NHSL1: variants seen among roughly 807,000 people sequenced by gnomAD.
NHSL1 encodes NHS like 1, also known as NHS-like protein 1.
Under a neutral mutation model 95.0 loss-of-function variants are expected in NHSL1, and 48 were observed. That is an observed-to-expected ratio of 0.51 (90% CI 0.40 to 0.64). The LOEUF (loss-of-function observed/expected upper bound fraction) is 0.64, where lower values mean the gene tolerates loss of function less well. NHSL1 is among the 30% of genes least tolerant of loss of function. NHSL1 has a pLI of 0.00. For missense variants in NHSL1, 1,971 were observed against 2,077.7 expected, an observed-to-expected ratio of 0.95 and a Z score of 1.00; for synonymous variants, 783 against 833.9, an observed-to-expected ratio of 0.94 and a Z score of 1.05.
intron 1 of NHSL1, among the ~76,000 whole-genome samples, chr6:138,498,145 A>G (rs1562328638): frequency 6.6e-6 from 1 of 152,234 alleles, no homozygotes; most frequent in Non-Finnish European, 1.5e-5. Context: ...AAGTGTAGCC[A>G]GAGTTCATCA....
chr6:138,591,123 CTA>C (rs903294979), intron 1 of NHSL1, among the ~76,000 whole-genome samples: 1 of 152,082 alleles, frequency 6.6e-6, no homozygotes, highest in African/African-American at 2.4e-5. Flanking sequence ...GCACTCAGAC[CTA>C]TCTTTTTGAA....
chr6:138,486,082 T>C (rs1479888573), intron 2 of NHSL1, among the ~76,000 whole-genome samples: 1 of 152,180 alleles, frequency 6.6e-6, no homozygotes, highest in East Asian at 1.9e-4. Flanking sequence ...CGCTTTGCCC[T>C]GAGTTGACTG....
chr6:138,676,486 C>G lies in NHSL1; in HGVS notation c.96+15990G>C, dbSNP rs561169456. Among the ~76,000 whole-genome samples the G allele has an allele frequency of 4.5e-3, 683 of 152,200 alleles. 6 individuals carry two copies. The highest frequency in any genetic ancestry group is 0.015 in the African/African-American group (617 of 41,530). ...TATTTATTGTTTATTATAGAACAGG[C>G]ACTGTTCTATATCTCATTTTATCCA... On this transcript the variant is annotated intron_variant, in intron 1 of 3. Coordinates refer to the NHSL1 transcript ENST00000491526.
intron 1 of NHSL1, among the ~76,000 whole-genome samples, chr6:138,551,945 G>A (rs1224270246): frequency 6.6e-6 from 1 of 152,180 alleles, no homozygotes; most frequent in Non-Finnish European, 1.5e-5. Context: ...TTTTCTTTTA[G>A]GAAACAGCTG....
intron 3 of NHSL1, among the ~76,000 whole-genome samples, chr6:138,462,651 T>C (rs1192827052): frequency 6.6e-6 from 1 of 152,182 alleles, no homozygotes; most frequent in Non-Finnish European, 1.5e-5. Context: ...AAATATTACT[T>C]GGGAGAGTGG....
chr6:138,473,125 A>G (rs1036805691), intron 3 of NHSL1, among the ~76,000 whole-genome samples, 181 bp downstream of exon 3: 4 of 152,230 alleles, frequency 2.6e-5, no homozygotes, highest in African/African-American at 7.2e-5. Flanking sequence ...CCCTTTACCC[A>G]GTTTCCATTT....
intron 1 of NHSL1, among the ~76,000 whole-genome samples, chr6:138,640,119 T>C (rs1385485532): frequency 6.6e-6 from 1 of 152,096 alleles, no homozygotes; most frequent in Non-Finnish European, 1.5e-5. Flanking sequence ...TATAGGTCAA[T>C]ATTGTCTAGA....
intron 1 of NHSL1, among the ~76,000 whole-genome samples, chr6:138,550,937 G>A (rs4131177): frequency 0.38 from 57,039 of 151,970 alleles, 11,349 homozygotes; most frequent in Middle Eastern, 0.51. Flanking sequence ...TTTCACCTCA[G>A]CTGCAAAGTA....
At chr6:138,668,503 A>G (rs1170993306) in intron 1 of NHSL1, among the ~76,000 whole-genome samples, 1 of 152,204 alleles carries the variant, frequency 6.6e-6, no homozygotes, top group African/African-American at 2.4e-5. Context: ...CACCATATAT[A>G]CATTATCAAA....
intron 1 of NHSL1, among the ~76,000 whole-genome samples, chr6:138,687,964 T>G (rs201728666): frequency 0.088 from 12,341 of 140,688 alleles, 1,137 homozygotes; most frequent in African/African-American, 0.27. Context: ...ACTTTTTTTT[T>G]TTGGGGACAC....
At chr6:138,680,180 G>A (rs1409243277) in intron 1 of NHSL1, among the ~76,000 whole-genome samples, 3 of 152,146 alleles carry the variant, frequency 2.0e-5, no homozygotes, top group African/African-American at 7.2e-5. Flanking sequence ...CTATACTTAT[G>A]AATAATGCTC....
upstream of NHSL1, among the ~76,000 whole-genome samples, chr6:138,546,427 CAAAAAAAAAA>C (rs1177720465): frequency 2.0e-5 from 1 of 50,918 alleles, no homozygotes; most frequent in African/African-American, 6.3e-5. Flanking sequence ...CCCATCTCTA[CAAAAAAAAAA>C]AAAAAAAAAA....
At chr6:138,450,888 G>A (rs1777189327) in intron 3 of NHSL1, among the ~76,000 whole-genome samples, 1 of 152,032 alleles carries the variant, frequency 6.6e-6, no homozygotes, top group Admixed American at 6.6e-5. Context: ...CATTTCAGTG[G>A]CAGAACACAT....
chr6:138,528,098 T>C (rs1181815955), intron 1 of NHSL1, among the ~76,000 whole-genome samples: 1 of 152,042 alleles, frequency 6.6e-6, no homozygotes, highest in Non-Finnish European at 1.5e-5. Flanking sequence ...AAACTCAGGG[T>C]GATTGTGGAG....
At chr6:138,511,309 G>C (rs1458965060) in intron 1 of NHSL1, among the ~76,000 whole-genome samples, 2 of 152,040 alleles carry the variant, frequency 1.3e-5, no homozygotes, top group African/African-American at 4.8e-5. Context: ...GTAAAGGCAG[G>C]TATGGAGATT....
intron 3 of NHSL1, among the ~76,000 whole-genome samples, chr6:138,469,107 C>G (rs950839505): frequency 1.3e-5 from 2 of 152,198 alleles, no homozygotes; most frequent in Middle Eastern, 6.8e-3. Context: ...TGGATGCATC[C>G]GTGCATCACA....
intron 1 of NHSL1, among the ~76,000 whole-genome samples, chr6:138,600,287 G>A (rs563100240): frequency 6.6e-6 from 1 of 152,216 alleles, no homozygotes; most frequent in South Asian, 2.1e-4. Context: ...AGGCTGGAGT[G>A]CAGTAGCACA....
chr6:138,666,976 C>T (rs1455785275), intron 1 of NHSL1, among the ~76,000 whole-genome samples: 1 of 152,058 alleles, frequency 6.6e-6, no homozygotes, highest in Admixed American at 6.5e-5. Flanking sequence ...TTTAGCAACA[C>T]CAACGATACT....
At chr6:138,596,018 T>G (rs906863821) in intron 1 of NHSL1, among the ~76,000 whole-genome samples, 1 of 152,156 alleles carries the variant, frequency 6.6e-6, no homozygotes, top group African/African-American at 2.4e-5. Context: ...AAACCCTACT[T>G]GGAAGCTAAA....
Sources: allele counts gnomAD v4.1 joint callset (sites outside exome capture counted in the v4.1 genomes callset), GRCh38; gene constraint gnomAD v4.1.1; transcripts MANE v1.5; gene names NCBI Gene and HGNC (gene_info 2026-07-23, HGNC 2026-07-21).